The following PRKCB variants were observed in gnomAD, a reference collection of about 807,000 sequenced individuals.
PRKCB encodes the protein protein kinase C beta type.
PRKCB carries 13 observed loss-of-function variants against 81.5 expected under a neutral mutation model. The observed-to-expected ratio is 0.16, with a 90% confidence interval of 0.10 to 0.25. PRKCB has a LOEUF of 0.25. Ranked by LOEUF, PRKCB falls within the 10% of genes least tolerant of loss-of-function variation. PRKCB has a pLI of 1.00. For synonymous variants in PRKCB, 335 were observed against 321.4 expected (o/e 1.04, Z -0.45); for missense variants, 509 against 875.7 (o/e 0.58, Z 5.29).
intron 12 of PRKCB, among the ~76,000 whole-genome samples, chr16:24,177,180 G>C (rs1967548409): frequency 6.6e-6 from 1 of 152,206 alleles, no homozygotes. Context: ...AATAATTAGT[G>C]TTCCGGTCAA....
At chr16:24,125,751 C>T (rs897947121) in intron 9 of PRKCB, among the ~76,000 whole-genome samples, 4 of 152,140 alleles carry the variant, frequency 2.6e-5, no homozygotes, top group South Asian at 4.1e-4. Flanking sequence ...AGATTGAATG[C>T]GTGGATTCTC....
At chr16:23,863,184 ATACATACATACGTATATATG>A in intron 2 of PRKCB, among the ~76,000 whole-genome samples, 1 of 70,456 alleles carries the variant, frequency 1.4e-5, no homozygotes, top group Non-Finnish European at 2.8e-5. Flanking sequence ...ATATATGTGT[ATACATACATACGTATATATG>A]TGTATATATA....
rs1404547945 is a variant in PRKCB at position 24,185,692 on chromosome 16, A to G, written c.1722+125A>G. The G allele has an allele frequency of 1.1e-5, 8 of 756,816 alleles. 1 individual carries two copies. The Admixed American group carries it at 1.6e-4, about 15-fold the overall frequency. The allele number at this position is 756,816 out of a possible 1,614,324, so 46.9% of individuals were successfully genotyped here. A position where few individuals can be genotyped will look rare whatever the true frequency, so the allele number is the denominator to read the frequency against. On this transcript the variant is annotated intron_variant, in intron 15 of 16. Coordinates refer to ENST00000643927, the MANE Select transcript of PRKCB (RefSeq NM_002738.7). ...ACTCCACCCTTCACTCCATTTGCCA[A>G]TATGAGAACCCTGATGTGGAGCTGC...
chr16:23,933,840 C>T lies in PRKCB; in HGVS notation c.206-54668C>T, dbSNP rs563264911. Among the ~76,000 whole-genome samples the T allele has an allele frequency of 2.6e-5, 3 of 116,468 alleles. No homozygotes were observed. The East Asian group carries it at 8.6e-4, about 34-fold the overall frequency. 76.4% of individuals were successfully genotyped at this position (116,468 alleles called of 152,430 possible). A position where few individuals can be genotyped will look rare whatever the true frequency, so the allele number is the denominator to read the frequency against. ...CATCCATCTTCTGTTTGTCGATTTT[C>T]TATTCATCCATCCATCCATCCATCC... is the stretch of plus-strand genomic sequence containing the variant. On this transcript the variant is annotated intron_variant, in intron 2 of 16. Coordinates refer to ENST00000643927, the MANE Select transcript of PRKCB (RefSeq NM_002738.7).
intron 2 of PRKCB, among the ~76,000 whole-genome samples, chr16:23,863,214 ACATACATATATATG>A (rs1567293412): frequency 2.4e-5 from 1 of 42,256 alleles, no homozygotes; most frequent in Non-Finnish European, 6.9e-5. Flanking sequence ...GTGTATATAT[ACATACATATATATG>A]TGTATATATA....
At chr16:23,986,981 C>G (rs552778780) in intron 2 of PRKCB, among the ~76,000 whole-genome samples, 107 of 152,222 alleles carry the variant, frequency 7.0e-4, no homozygotes, top group African/African-American at 2.5e-3. Context: ...AAAACAAGAC[C>G]ATTATCACAC....
intron 2 of PRKCB, among the ~76,000 whole-genome samples, chr16:23,942,141 G>C (rs1964147461): frequency 6.6e-6 from 1 of 152,150 alleles, no homozygotes; most frequent in South Asian, 2.1e-4. Context: ...AATCCCTTTT[G>C]GTCTCCAGAT....
intron 2 of PRKCB, among the ~76,000 whole-genome samples, chr16:23,862,309 A>G (rs1398964288): frequency 2.0e-5 from 3 of 152,288 alleles, no homozygotes; most frequent in East Asian, 1.9e-4. Flanking sequence ...ATGGTTCAAG[A>G]GTCAGCCAGA....
At chr16:23,876,957 G>A (rs1024295696) in intron 2 of PRKCB, among the ~76,000 whole-genome samples, 8 of 145,846 alleles carry the variant, frequency 5.5e-5, no homozygotes, top group Admixed American at 4.3e-4. Context: ...TCTGATTAAT[G>A]TAAGCAAAAA....
chr16:24,056,681 CCT>C (rs1965906374), intron 5 of PRKCB, among the ~76,000 whole-genome samples: 1 of 152,084 alleles, frequency 6.6e-6, no homozygotes, highest in Admixed American at 6.6e-5. Context: ...TGGCACCTCC[CCT>C]CTCTCATTCT....
At chr16:23,875,386 G>A (rs1011651692) in intron 2 of PRKCB, among the ~76,000 whole-genome samples, 17 of 151,854 alleles carry the variant, frequency 1.1e-4, no homozygotes, top group African/African-American at 3.9e-4. Flanking sequence ...CAAGACTGAG[G>A]AGGAAGACCC....
intron 2 of PRKCB, among the ~76,000 whole-genome samples, chr16:23,908,583 G>A (rs1431316772): frequency 1.3e-5 from 2 of 152,056 alleles, no homozygotes; most frequent in Non-Finnish European, 2.9e-5. Context: ...CCAGGCTGGA[G>A]TGCAGTGGCG....
At position 24,093,287 on chromosome 16, in the gene PRKCB, T is replaced by G. The variant is rs189088299; in HGVS notation, c.686+340T>G. The stretch of plus-strand genomic sequence containing the variant: ...GCTCAGCAAATAGGGGAACATAACC[T>G]ACAGGGTGTGGTGACAGCCTCTCTA... On this transcript the variant is annotated intron_variant, in intron 6 of 16. Transcript: ENST00000643927. Among the ~76,000 whole-genome samples, 302 of 152,288 alleles carry G rather than the reference T, an allele frequency of 2.0e-3. 2 individuals are homozygous for G. Among genetic ancestry groups the G allele is most frequent in the African/African-American group, 7.0e-3 (293 of 41,564 alleles).
chr16:24,062,115 G>A (rs1290203633), intron 5 of PRKCB, among the ~76,000 whole-genome samples: 1 of 152,206 alleles, frequency 6.6e-6, no homozygotes, highest in African/African-American at 2.4e-5. Context: ...GTATCAGTAA[G>A]CATTTGCTGT....
chr16:24,036,611 C>G (rs1373164148), intron 5 of PRKCB, among the ~76,000 whole-genome samples: 3 of 152,118 alleles, frequency 2.0e-5, no homozygotes, highest in Non-Finnish European at 4.4e-5. Context: ...TGTGTAAAAG[C>G]TGAAAAATAC....
intron 5 of PRKCB, among the ~76,000 whole-genome samples, chr16:24,088,214 C>A (rs557639574): frequency 6.6e-6 from 1 of 152,290 alleles, no homozygotes; most frequent in East Asian, 1.9e-4. Flanking sequence ...CTGTCAACTG[C>A]TCATGATAGA....
At chr16:23,868,514 A>G (rs1484844221) in intron 2 of PRKCB, among the ~76,000 whole-genome samples, 1 of 152,224 alleles carries the variant, frequency 6.6e-6, no homozygotes, top group African/African-American at 2.4e-5. Context: ...TCAGTTACAT[A>G]ATTGATTGTC....
At chr16:24,033,331 A>G (rs548598582) in intron 4 of PRKCB, among the ~76,000 whole-genome samples, 2 of 152,330 alleles carry the variant, frequency 1.3e-5, no homozygotes, top group Admixed American at 6.5e-5. Flanking sequence ...AGAAACACAC[A>G]TGCATAGACA....
chr16:24,188,174 C>T (rs1232175724), intron 15 of PRKCB, among the ~76,000 whole-genome samples: 3 of 152,192 alleles, frequency 2.0e-5, no homozygotes, highest in African/African-American at 7.2e-5. Flanking sequence ...CCATAACCTT[C>T]ATGATTAACT....
Sources: gnomAD v4.1 joint callset for allele counts (sites outside exome capture counted in the v4.1 genomes callset) on GRCh38, gnomAD v4.1.1 for gene constraint, MANE v1.5 for transcripts, NCBI Gene and HGNC (gene_info 2026-07-23, HGNC 2026-07-21) for gene names.